The following OR6N1 variants were observed in gnomAD, a reference collection of about 807,000 sequenced individuals.
The protein encoded by OR6N1 is olfactory receptor 6N1.
For synonymous variants in OR6N1, 170 were observed against 150.7 expected (o/e 1.13, Z -0.94); for missense variants, 394 against 371.7 (o/e 1.06, Z -0.49).
chr1:158,834,812 G>A, the OR6N1 span, among the ~76,000 whole-genome samples: 5 of 152,140 alleles, frequency 3.3e-5, no homozygotes, highest in Non-Finnish European at 7.3e-5. Context: ...TATGATGTAG[G>A]TAAGGGTTCA....
the OR6N1 span, among the ~76,000 whole-genome samples, chr1:158,835,617 G>T: frequency 2.4e-4 from 17 of 70,704 alleles, no homozygotes; most frequent in African/African-American, 7.8e-4. Context: ...ATTTTTGGTG[G>T]GGGCGGGGGG....
At chr1:158,778,214 CAAG>C in the OR6N1 span, among the ~76,000 whole-genome samples, 5 of 152,132 alleles carry the variant, frequency 3.3e-5, no homozygotes, top group South Asian at 1.0e-3. Context: ...CAAAATTCAG[CAAG>C]GTACAATCTC....
At chr1:158,769,711 T>C (rs1333592072) in intron 1 of OR6N1, among the ~76,000 whole-genome samples, 1 of 152,214 alleles carries the variant, frequency 6.6e-6, no homozygotes. Flanking sequence ...CTAGGGAGCA[T>C]GTCCATCCCA....
chr1:158,783,091 T>C, the OR6N1 span, among the ~76,000 whole-genome samples: 2 of 152,208 alleles, frequency 1.3e-5, no homozygotes, highest in Non-Finnish European at 2.9e-5. Context: ...CTCTGCATTG[T>C]TCAAAATTTA....
the OR6N1 span, among the ~76,000 whole-genome samples, chr1:158,800,260 C>T: frequency 1.1e-4 from 17 of 151,986 alleles, no homozygotes; most frequent in Admixed American, 9.8e-4. Flanking sequence ...CAAAAGTTGT[C>T]TTGGCTTACC....
chr1:158,825,528 T>A, the OR6N1 span, among the ~76,000 whole-genome samples: 1 of 151,666 alleles, frequency 6.6e-6, no homozygotes, highest in African/African-American at 2.4e-5. Context: ...AAAAAAATTC[T>A]CAACATCACT....
At chr1:158,801,312 C>G in the OR6N1 span, among the ~76,000 whole-genome samples, 6 of 151,906 alleles carry the variant, frequency 3.9e-5, no homozygotes, top group African/African-American at 1.5e-4. Flanking sequence ...TCCCACCCAC[C>G]TTGCCAGAAA....
At chr1:158,817,110 G>C in the OR6N1 span, among the ~76,000 whole-genome samples, 2 of 152,214 alleles carry the variant, frequency 1.3e-5, no homozygotes, top group African/African-American at 4.8e-5. Flanking sequence ...GGGTCAAAGA[G>C]TACGAAGGTT....
chr1:158,799,885 G>T, the OR6N1 span, among the ~76,000 whole-genome samples: 8 of 152,170 alleles, frequency 5.3e-5, no homozygotes, highest in African/African-American at 1.2e-4. Context: ...GGAAGATAGG[G>T]CCCTAGAAGA....
intron 1 of OR6N1, among the ~76,000 whole-genome samples, chr1:158,770,442 T>A (rs1476835555): frequency 1.3e-5 from 2 of 152,144 alleles, no homozygotes; most frequent in Non-Finnish European, 2.9e-5. Flanking sequence ...CCCTTTAAGA[T>A]GGCAAAAAAT....
chr1:158,824,344 G>A, the OR6N1 span, among the ~76,000 whole-genome samples: 2 of 152,138 alleles, frequency 1.3e-5, no homozygotes, highest in Non-Finnish European at 1.5e-5. Flanking sequence ...CCCCAGCCAC[G>A]TGGAACTGTA....
At chr1:158,808,121 CTTTTTTTTTTTTTTTTTT>C in the OR6N1 span, among the ~76,000 whole-genome samples, 5 of 39,574 alleles carry the variant, frequency 1.3e-4, no homozygotes, top group South Asian at 2.7e-3. Flanking sequence ...CAATGACTGC[CTTTTTTTTTTTTTTTTTT>C]TTTTTTTTTT....
rs1657268109 is a variant in OR6N1 at position 158,766,399 on chromosome 1, GA to G, written c.283del (p.Ser95LeufsTer21). On this transcript the variant is annotated frameshift_variant, in exon 2 of 2. Coordinates refer to ENST00000641846, the MANE Select transcript of OR6N1 (RefSeq NM_001005185.2). LOFTEE classifies it low-confidence loss of function (END_TRUNC). ...GAAATAGATCTGCAGGAGACACCCA[GA>G]GAATGAAATGGTCTTTTTCTCACTG... Reference protein sequence around the residue: ...LLSEKKTISFSGCLLQIYFFH... With the variant: ...LLSEKKTISFXGCLLQIYFFH... 1 of 1,614,140 alleles carries G rather than the reference GA, an allele frequency of 6.2e-7. No individual in the cohort carries two copies. Among genetic ancestry groups the G allele is most frequent in the East Asian group, 2.2e-5 (1 of 44,878 alleles).
chr1:158,777,394 A>G, the OR6N1 span: 11 of 1,614,082 alleles, frequency 6.8e-6, no homozygotes, highest in Non-Finnish European at 8.5e-6. Flanking sequence ...ATTAGACAAC[A>G]TCTTAGGGAT....
At chr1:158,768,710 T>G (rs890831232) in intron 1 of OR6N1, among the ~76,000 whole-genome samples, 1 of 152,252 alleles carries the variant, frequency 6.6e-6, no homozygotes, top group African/African-American at 2.4e-5. Flanking sequence ...TTTCACCATT[T>G]GGATAGCTCT....
chr1:158,822,909 T>C, the OR6N1 span, among the ~76,000 whole-genome samples: 3 of 152,230 alleles, frequency 2.0e-5, no homozygotes, highest in Non-Finnish European at 1.5e-5. Flanking sequence ...TTGAGGACTC[T>C]TAATATGAAC....
the OR6N1 span, among the ~76,000 whole-genome samples, chr1:158,811,077 C>T: frequency 6.6e-6 from 1 of 152,186 alleles, no homozygotes; most frequent in Admixed American, 6.5e-5. Flanking sequence ...TTGTTCTCCT[C>T]TATGTGTCCA....
At chr1:158,837,017 T>C in the OR6N1 span, among the ~76,000 whole-genome samples, 1 of 151,850 alleles carries the variant, frequency 6.6e-6, no homozygotes, top group Non-Finnish European at 1.5e-5. Context: ...CTAGTTTTCT[T>C]TCTGTTGATT....
At chr1:158,826,109 C>T in the OR6N1 span, among the ~76,000 whole-genome samples, 1 of 151,530 alleles carries the variant, frequency 6.6e-6, no homozygotes, top group South Asian at 2.1e-4. Flanking sequence ...GATACCAGAA[C>T]CTACTTGAGG....
Sources: gnomAD v4.1 joint callset for allele counts (sites outside exome capture counted in the v4.1 genomes callset) on GRCh38, gnomAD v4.1.1 for gene constraint, MANE v1.5 for transcripts, NCBI Gene and HGNC (gene_info 2026-07-23, HGNC 2026-07-21) for gene names.